The following GNE variants were observed in gnomAD, a reference collection of about 807,000 sequenced individuals.
GNE encodes bifunctional UDP-N-acetylglucosamine 2-epimerase/N-acetylmannosamine kinase.
Under a neutral mutation model 61.8 loss-of-function variants are expected in GNE, and 41 were observed. The observed-to-expected ratio is 0.66, with a 90% CI of 0.52 to 0.86. The LOEUF (loss-of-function observed/expected upper bound fraction) is 0.86. GNE is among the 40% of genes least tolerant of loss of function. The pLI is 0.00. For missense variants in GNE, 608 were observed against 909.1 expected (o/e 0.67, Z 4.26); for synonymous variants, 264 against 326.4 (o/e 0.81, Z 2.06).
At chr9:36,266,748 A>C (rs1307788572) in intron 1 of GNE, among the ~76,000 whole-genome samples, 4 of 152,232 alleles carry the variant, frequency 2.6e-5, no homozygotes, top group Non-Finnish European at 5.9e-5. Context: ...TCTCTACTAA[A>C]AGTACAAAAA....
At chr9:36,229,561 A>T (rs188412304) in intron 5 of GNE, among the ~76,000 whole-genome samples, 1 of 152,198 alleles carries the variant, frequency 6.6e-6, no homozygotes, top group Non-Finnish European at 1.5e-5. Context: ...ACACTGTTCA[A>T]TGGGTTTGGC....
intron 7 of GNE, among the ~76,000 whole-genome samples, chr9:36,225,559 C>T (rs893090582): frequency 2.0e-5 from 3 of 152,020 alleles, no homozygotes; most frequent in Non-Finnish European, 2.9e-5. Flanking sequence ...CACTTGAGCC[C>T]GGGAGGCAGA....
intron 5 of GNE, among the ~76,000 whole-genome samples, chr9:36,232,955 G>A (rs1019858334): frequency 2.0e-5 from 3 of 152,172 alleles, no homozygotes; most frequent in African/African-American, 7.2e-5. Context: ...TCTATGAAGT[G>A]GGGAGTAAAG....
chr9:36,225,074 T>C (rs1828800647), intron 7 of GNE, among the ~76,000 whole-genome samples: 1 of 152,270 alleles, frequency 6.6e-6, no homozygotes, highest in African/African-American at 2.4e-5. Flanking sequence ...CTAGATTATG[T>C]TGATCTTATA....
intron 1 of GNE, among the ~76,000 whole-genome samples, chr9:36,271,900 C>A (rs2133199137): frequency 6.6e-6 from 1 of 152,212 alleles, no homozygotes; most frequent in South Asian, 2.1e-4. Flanking sequence ...TTGAATCATA[C>A]CTTAGGTGAG....
chr9:36,217,617 A>G lies in GNE; in HGVS notation c.1934-17T>C, dbSNP rs1326683817. The G allele has an allele frequency of 3.9e-6, 6 of 1,540,954 alleles. No individual in the cohort carries two copies. Among genetic ancestry groups the G allele is most frequent in the African/African-American group, 2.7e-5 (2 of 73,438 alleles). On this transcript the variant is annotated splice_polypyrimidine_tract_variant and intron_variant, in intron 11 of 11. Coordinates refer to ENST00000642385, the MANE Select transcript of GNE (RefSeq NM_005476.7). ...CTGTTCCAGCTATAGGGAGACAAAA[A>G]TTAAAATGAGTTTCTGAGAGAAGCC...
chr9:36,217,184 C>T lies in GNE; in HGVS notation c.*181G>A, dbSNP rs1828353023. 6.3e-6 allele frequency: 4 copies of T among 638,376 alleles called. No individual in the cohort carries two copies. The highest frequency in any genetic ancestry group is 1.1e-5 in the Non-Finnish European group (4 of 355,602). The allele number at this position is 638,376 out of a possible 1,614,324, so 39.5% of individuals were successfully genotyped here. The stretch of plus-strand genomic sequence containing the variant: ...AAGACATCAGAAAGAATAGCATCTA[C>T]AAAAATAGGAGTGGGGAAAGGTGAC... On this transcript the variant is annotated 3_prime_UTR_variant, in exon 12 of 12. Coordinates refer to ENST00000642385, the MANE Select transcript of GNE (RefSeq NM_005476.7).
rs2133165258 is a variant in GNE, at chr9:36,258,230, AGGGGAGGCCTGGGGCAGGAGGCCG to A, written c.-43+67_-43+90del. On this transcript the variant is annotated intron_variant, in intron 1 of 11. Coordinates refer to ENST00000642385, the MANE Select transcript of GNE (RefSeq NM_005476.7). Reference sequence around the variant, plus strand: ...GCGGTGGGGTGGAAAGCGGCCGGGGAGGGGAGGCCTGGGGCAGGAGGCCGGGGGAGGCGGCCCTGGGGGTGGGCA... The same window carrying A: ...GCGGTGGGGTGGAAAGCGGCCGGGGAGGGGAGGCGGCCCTGGGGGTGGGCA... 3 of 709,490 alleles carry A rather than the reference AGGGGAGGCCTGGGGCAGGAGGCCG, an allele frequency of 4.2e-6. No individual in the cohort carries two copies. In the East Asian group the frequency reaches 4.0e-4, roughly 95 times the overall value. The allele number at this position is 709,490 out of a possible 1,614,324, so 43.9% of individuals were successfully genotyped here.
rs531734203 is a variant in GNE, at chr9:36,218,543, C to T, written c.1817-244G>A. Among the ~76,000 whole-genome samples, 3 of 152,234 alleles carry T rather than the reference C, an allele frequency of 2.0e-5. No individual in the cohort carries two copies. The South Asian group carries it at 6.2e-4, about 31-fold the overall frequency. On this transcript the variant is annotated intron_variant, in intron 10 of 11. Transcript: ENST00000642385. This position sits in a 1 kb window ranked among gnomAD's most constrained non-coding sequence, Gnocchi z 4.1. ...AAAACCTCAAGTCTGACGACAGCCT[C>T]CTACCCCTCTGGCTCCCTCACTTCT...
chr9:36,241,036 C>T (rs984412780), intron 3 of GNE, among the ~76,000 whole-genome samples: 1 of 151,678 alleles, frequency 6.6e-6, no homozygotes, highest in South Asian at 2.1e-4. Flanking sequence ...TTTGGATTTT[C>T]TCCCTTCTTT....
At chr9:36,249,844 A>G (rs756612511) in intron 1 of GNE, among the ~76,000 whole-genome samples, 3 of 151,720 alleles carry the variant, frequency 2.0e-5, no homozygotes, top group Admixed American at 1.3e-4. Context: ...AGATCGCACC[A>G]CCACACTCCA....
intron 9 of GNE, among the ~76,000 whole-genome samples, chr9:36,220,782 A>G (rs914079727): frequency 1.3e-5 from 2 of 152,246 alleles, no homozygotes; most frequent in African/African-American, 4.8e-5. Context: ...CTGTGATTCA[A>G]TAATTATAAA....
chr9:36,269,130 A>G (rs1307498435), intron 1 of GNE, among the ~76,000 whole-genome samples: 2 of 95,554 alleles, frequency 2.1e-5, no homozygotes, highest in African/African-American at 3.4e-5. Context: ...ACTCCGTCTC[A>G]AAAAAAAAAA....
intron 1 of GNE, among the ~76,000 whole-genome samples, chr9:36,250,465 A>C (rs1830068095): frequency 1.3e-5 from 2 of 152,144 alleles, no homozygotes; most frequent in Non-Finnish European, 2.9e-5. Flanking sequence ...TTGTTCTCTG[A>C]GTTATGCAAT....
At chr9:36,262,896 C>G (rs1216258782), upstream of GNE, among the ~76,000 whole-genome samples, 1 of 152,170 alleles carries the variant, frequency 6.6e-6, no homozygotes, top group African/African-American at 2.4e-5. Flanking sequence ...CTAAACATTT[C>G]TAAACTAAAA....
chr9:36,274,489 T>G (rs1587395910), intron 1 of GNE, among the ~76,000 whole-genome samples: 1 of 152,238 alleles, frequency 6.6e-6, no homozygotes, highest in East Asian at 1.9e-4. Flanking sequence ...GCCCTCTGGC[T>G]TCTCTTCTCT....
At position 36,215,632 on chromosome 9, in the gene GNE, C is replaced by T. The variant is rs1311433286; in HGVS notation, c.*1733G>A. On this transcript the variant is annotated 3_prime_UTR_variant, in exon 12 of 12. Coordinates refer to ENST00000642385, the MANE Select transcript of GNE (RefSeq NM_005476.7). ...AAAATAAAAATTAAAACACCTACCT[C>T]ATATGTTGAGATAATTTAGGATAAT... The T allele has an allele frequency of 2.6e-5, 4 of 152,224 alleles. No individual in the cohort carries two copies. Among genetic ancestry groups the T allele is most frequent in the Admixed American group, 1.3e-4 (2 of 15,278 alleles). 9.4% of individuals were successfully genotyped at this position (152,224 alleles called of 1,614,324 possible).
intron 1 of GNE, chr9:36,265,208 T>C (rs1388698577): frequency 2.8e-6 from 1 of 353,840 alleles, no homozygotes; most frequent in Non-Finnish European, 5.6e-6. Context: ...CGCTGGGTTC[T>C]ACGGTTCTCT....
rs867242865 is a variant in GNE at position 36,222,436 on chromosome 9, C to A, written c.1633+341G>T. Among the ~76,000 whole-genome samples, 1,346 of 120,742 alleles carry A rather than the reference C, an allele frequency of 0.011. 23 individuals carry two copies. The highest frequency in any genetic ancestry group is 0.037 in the African/African-American group (1,246 of 34,000). 79.2% of individuals were successfully genotyped at this position (120,742 alleles called of 152,430 possible). Reference sequence around the variant, plus strand: ...TCCGTCTCAAAAAAAAAAAAAAAAACATTTCAAGGTAAAATGTATTAGTCT... The same window carrying A: ...TCCGTCTCAAAAAAAAAAAAAAAAAAATTTCAAGGTAAAATGTATTAGTCT... On this transcript the variant is annotated intron_variant, in intron 9 of 11. Transcript: ENST00000642385.
Sources: allele counts gnomAD v4.1 joint callset (sites outside exome capture counted in the v4.1 genomes callset), GRCh38; gene constraint gnomAD v4.1.1; non-coding constraint Gnocchi (gnomAD v3.1); transcripts MANE v1.5; gene names NCBI Gene and HGNC (gene_info 2026-07-23, HGNC 2026-07-21).